The following GNA14 variants were observed in gnomAD, a reference collection of about 807,000 sequenced individuals.
The protein encoded by GNA14 is G protein subunit alpha 14, also known as guanine nucleotide-binding protein subunit alpha-14.
A neutral mutation model predicts 42.0 loss-of-function variants in GNA14; 50 were observed. The observed-to-expected ratio is 1.19, with a 90% CI of 0.95 to 1.51. The LOEUF is 1.51. Among genes scored for constraint, GNA14 ranks in the 40% most tolerant of loss-of-function variants. The probability of loss-of-function intolerance (pLI) is 0.00; values close to 1 mark genes in which losing one functional copy is unlikely to be tolerated. For missense variants in GNA14, 473 were observed against 446.2 expected, an observed-to-expected ratio of 1.06 and a Z score of -0.54; for synonymous variants, 173 against 163.1, an observed-to-expected ratio of 1.06 and a Z score of -0.46.
chr9:77,512,631 C>T (rs1837188983), intron 2 of GNA14, among the ~76,000 whole-genome samples: 1 of 152,166 alleles, frequency 6.6e-6, no homozygotes, highest in Non-Finnish European at 1.5e-5. Flanking sequence ...GTATCTCATA[C>T]ACACACAAAG....
intron 2 of GNA14, among the ~76,000 whole-genome samples, chr9:77,458,552 G>A (rs1017002197): frequency 2.0e-5 from 3 of 152,146 alleles, no homozygotes; most frequent in Non-Finnish European, 2.9e-5. Flanking sequence ...AAAAATACAG[G>A]ACATCAGTTA....
At chr9:77,549,294 T>TC (rs1837761892) in intron 1 of GNA14, among the ~76,000 whole-genome samples, 1 of 152,148 alleles carries the variant, frequency 6.6e-6, no homozygotes, top group Admixed American at 6.5e-5. Flanking sequence ...CCAAGTGCTC[T>TC]CCCTCATCCT....
At chr9:77,492,586 A>T (rs1439954985) in intron 2 of GNA14, among the ~76,000 whole-genome samples, 3 of 152,184 alleles carry the variant, frequency 2.0e-5, no homozygotes, top group Non-Finnish European at 2.9e-5. Flanking sequence ...ATTCCTGGAC[A>T]CATCCAACCT....
intron 1 of GNA14, among the ~76,000 whole-genome samples, chr9:77,554,222 G>A (rs772361522): frequency 6.6e-6 from 1 of 152,156 alleles, no homozygotes; most frequent in African/African-American, 2.4e-5. Context: ...TTACTTTCAG[G>A]TGAAGATGAT....
intron 1 of GNA14, among the ~76,000 whole-genome samples, chr9:77,574,810 C>G (rs890201860): frequency 2.0e-5 from 3 of 152,168 alleles, no homozygotes; most frequent in African/African-American, 7.2e-5. Flanking sequence ...TCCAACATTG[C>G]TACAACAAAA....
At chr9:77,439,995 A>G (rs1835704705) in intron 2 of GNA14, among the ~76,000 whole-genome samples, 1 of 152,202 alleles carries the variant, frequency 6.6e-6, no homozygotes, top group African/African-American at 2.4e-5. Context: ...CCTAGGCTAG[A>G]GAAACATCAT....
At chr9:77,455,625 A>G (rs1428134871) in intron 2 of GNA14, among the ~76,000 whole-genome samples, 1 of 152,162 alleles carries the variant, frequency 6.6e-6, no homozygotes, top group Non-Finnish European at 1.5e-5. Flanking sequence ...ACGATACCTC[A>G]TATAGGGTTA....
At chr9:77,440,996 G>A (rs574513805) in intron 2 of GNA14, among the ~76,000 whole-genome samples, 72 of 152,236 alleles carry the variant, frequency 4.7e-4, no homozygotes, top group African/African-American at 1.6e-3. Context: ...GACTACAGGC[G>A]TGAGCCACCG....
intron 1 of GNA14, among the ~76,000 whole-genome samples, chr9:77,610,556 C>A (rs887875063): frequency 1.3e-5 from 2 of 152,112 alleles, no homozygotes; most frequent in South Asian, 4.1e-4. Context: ...GGCCCCACTT[C>A]CAAATATCAT....
At chr9:77,537,320 G>C (rs1837610002) in intron 1 of GNA14, among the ~76,000 whole-genome samples, 2 of 152,218 alleles carry the variant, frequency 1.3e-5, no homozygotes, top group South Asian at 4.2e-4. Context: ...CTATGAGTGA[G>C]AACATGCAGT....
intron 2 of GNA14, among the ~76,000 whole-genome samples, chr9:77,488,784 T>TA (rs67416479): frequency 0.028 from 1,514 of 53,654 alleles, 19 homozygotes; most frequent in African/African-American, 0.036. Context: ...CACACCTAAT[T>TA]AAAAAAAAAA....
At chr9:77,503,560 C>A (rs1029274014) in intron 2 of GNA14, among the ~76,000 whole-genome samples, 2 of 152,164 alleles carry the variant, frequency 1.3e-5, no homozygotes, top group African/African-American at 4.8e-5. Flanking sequence ...AATGTGAGCC[C>A]TGTGCTTGCA....
intron 1 of GNA14, among the ~76,000 whole-genome samples, chr9:77,552,280 A>T (rs1837796303): frequency 6.6e-6 from 1 of 152,154 alleles, no homozygotes; most frequent in African/African-American, 2.4e-5. Flanking sequence ...TTGGTGGTGA[A>T]AAGTGAAGGA....
intron 2 of GNA14, among the ~76,000 whole-genome samples, chr9:77,489,496 G>A (rs1207252992): frequency 1.3e-5 from 2 of 152,196 alleles, no homozygotes; most frequent in Non-Finnish European, 2.9e-5. Flanking sequence ...AAAAGCAAAG[G>A]ACAAGTGTGT....
intron 2 of GNA14, among the ~76,000 whole-genome samples, chr9:77,481,918 CCTT>C (rs1476475652): frequency 6.6e-6 from 1 of 152,120 alleles, no homozygotes; most frequent in Non-Finnish European, 1.5e-5. Flanking sequence ...CTTCCTCCAT[CCTT>C]TTTTTTTGAG....
chr9:77,452,999 C>T (rs956999904), intron 2 of GNA14, among the ~76,000 whole-genome samples: 4 of 151,690 alleles, frequency 2.6e-5, no homozygotes, highest in Admixed American at 2.0e-4. Context: ...AGTAACCAGC[C>T]GGGTGGTGTG....
chr9:77,444,200 GAA>G (rs1479977983), intron 2 of GNA14, among the ~76,000 whole-genome samples: 8 of 152,202 alleles, frequency 5.3e-5, no homozygotes, highest in South Asian at 4.1e-4. Flanking sequence ...AGAAGAAATG[GAA>G]AGAGACTTGC....
At chr9:77,486,961 G>GA (rs1319104136) in intron 2 of GNA14, among the ~76,000 whole-genome samples, 5 of 150,880 alleles carry the variant, frequency 3.3e-5, no homozygotes, top group Admixed American at 2.0e-4. Context: ...TATGCTGTTG[G>GA]AAAAATGAAC....
In GNA14 at chr9:77,616,404, C is replaced by A. The variant is rs1823818567; in HGVS notation, c.124+31266G>T. On this transcript the variant is annotated intron_variant, in intron 1 of 6. Transcript: ENST00000341700. ...TTCCACTGTAATGGCTGGAACGAAG[C>A]CAAGGAAGCTAACTGCTGTGCAAGG... 2.0e-5 allele frequency among the ~76,000 whole-genome samples: 3 copies of A among 152,164 alleles called. No homozygotes were observed. In the South Asian group the frequency reaches 6.2e-4, roughly 32 times the overall value.
Sources: allele counts gnomAD v4.1 joint callset (sites outside exome capture counted in the v4.1 genomes callset), GRCh38; gene constraint gnomAD v4.1.1; transcripts MANE v1.5; gene names NCBI Gene and HGNC (gene_info 2026-07-23, HGNC 2026-07-21).